Variants in LHFPL6 observed in about 807,000 individuals in gnomAD.
LHFPL6 encodes LHFPL tetraspan subfamily member 6.
Under a neutral mutation model 20.6 loss-of-function variants are expected in LHFPL6, and 9 were observed. The observed-to-expected ratio is 0.44, with a 90% CI of 0.26 to 0.76. LHFPL6 has a LOEUF of 0.76. Among genes scored for constraint, LHFPL6 ranks in the 30% least tolerant of loss-of-function variants. The pLI is 0.20. For synonymous variants in LHFPL6, 105 were observed against 98.7 expected (o/e 1.06, Z -0.38); for missense variants, 218 against 253.5 (o/e 0.86, Z 0.95).
chr13:39,429,982 G>A (rs1871745335), intron 2 of LHFPL6, among the ~76,000 whole-genome samples: 1 of 152,188 alleles, frequency 6.6e-6, no homozygotes, highest in East Asian at 1.9e-4. Context: ...CTCCTTCTCT[G>A]AGATCTTTGC....
At chr13:39,464,546 A>G (rs1593322982) in intron 2 of LHFPL6, among the ~76,000 whole-genome samples, 2 of 152,340 alleles carry the variant, frequency 1.3e-5, no homozygotes, top group Middle Eastern at 6.8e-3. Flanking sequence ...ATACCAGTCC[A>G]CTACAAAAAA....
At chr13:39,520,195 G>C (rs1012618980) in intron 2 of LHFPL6, among the ~76,000 whole-genome samples, 1 of 152,116 alleles carries the variant, frequency 6.6e-6, no homozygotes, top group Non-Finnish European at 1.5e-5. Flanking sequence ...TAGACATGAA[G>C]GGCCTGTATC....
chr13:39,562,479 T>TACACATATACACATATAC (rs1287087733), intron 2 of LHFPL6, among the ~76,000 whole-genome samples: 1 of 133,690 alleles, frequency 7.5e-6, no homozygotes, highest in South Asian at 2.4e-4. Context: ...TATACACATA[T>TACACATATACACATATAC]ACATATATAC....
chr13:39,477,320 A>G (rs1451791776), intron 2 of LHFPL6, among the ~76,000 whole-genome samples: 1 of 152,144 alleles, frequency 6.6e-6, no homozygotes, highest in African/African-American at 2.4e-5. Flanking sequence ...GGCTGATAGC[A>G]CTTTATGCAC....
intron 2 of LHFPL6, among the ~76,000 whole-genome samples, chr13:39,543,996 C>A (rs1009130524): frequency 6.6e-6 from 1 of 152,066 alleles, no homozygotes; most frequent in African/African-American, 2.4e-5. Context: ...TTTTATATTT[C>A]GACTAGTTGG....
chr13:39,427,974 C>G (rs1033411742), intron 2 of LHFPL6, among the ~76,000 whole-genome samples: 6 of 152,210 alleles, frequency 3.9e-5, no homozygotes, highest in Non-Finnish European at 7.3e-5. Flanking sequence ...AGTGCTGGCT[C>G]CCCGCTTCAC....
chr13:39,364,490 C>T (rs1869960182), intron 3 of LHFPL6, among the ~76,000 whole-genome samples: 1 of 152,140 alleles, frequency 6.6e-6, no homozygotes, highest in South Asian at 2.1e-4. Flanking sequence ...TTTAGCATTC[C>T]CCCAATGCAG....
intron 2 of LHFPL6, among the ~76,000 whole-genome samples, chr13:39,581,597 CTT>C (rs36025782): frequency 3.2e-4 from 45 of 141,098 alleles, no homozygotes; most frequent in Admixed American, 1.4e-3. Flanking sequence ...CTCTCTCTCT[CTT>C]TTTTTTTTTT....
At chr13:39,522,679 T>C (rs950431243) in intron 2 of LHFPL6, among the ~76,000 whole-genome samples, 5 of 152,238 alleles carry the variant, frequency 3.3e-5, no homozygotes, top group South Asian at 2.1e-4. Context: ...TTGGTCTGTA[T>C]ATATTGGAGA....
At chr13:39,408,872 T>C (rs1871183873) in intron 2 of LHFPL6, among the ~76,000 whole-genome samples, 4 of 152,320 alleles carry the variant, frequency 2.6e-5, no homozygotes, top group Middle Eastern at 6.8e-3. Flanking sequence ...TATTATTCTT[T>C]AATTGACTAT....
chr13:39,484,137 C>T (rs1470073376), intron 2 of LHFPL6, among the ~76,000 whole-genome samples: 3 of 152,146 alleles, frequency 2.0e-5, no homozygotes, highest in Non-Finnish European at 1.5e-5. Context: ...CCAAGTTTTT[C>T]CCCAATCCTA....
In LHFPL6 at chr13:39,375,886, T is replaced by G. The variant is rs147091778; in HGVS notation, c.484+2542A>C. On this transcript the variant is annotated intron_variant, in intron 3 of 3. Coordinates refer to ENST00000379589, the MANE Select transcript of LHFPL6 (RefSeq NM_005780.3). ...TCATTTTATCTGTGGATGATGCCAG[T>G]TTTTTTTTTCTCATTAACCAATCTA... 7.9e-3 allele frequency among the ~76,000 whole-genome samples: 1,143 copies of G among 145,124 alleles called. 16 individuals are homozygous for G. Among genetic ancestry groups the G allele is most frequent in the African/African-American group, 0.029 (1,081 of 37,414 alleles).
chr13:39,556,315 C>A (rs184356843), intron 2 of LHFPL6, among the ~76,000 whole-genome samples: 1 of 152,020 alleles, frequency 6.6e-6, no homozygotes, highest in African/African-American at 2.4e-5. Flanking sequence ...AAGAAGAAGA[C>A]AGGAAGATGA....
intron 2 of LHFPL6, among the ~76,000 whole-genome samples, chr13:39,402,358 G>C (rs1871014920): frequency 6.6e-6 from 1 of 152,066 alleles, no homozygotes; most frequent in Non-Finnish European, 1.5e-5. Context: ...CTGAGTGGCT[G>C]GGACTATAGG....
chr13:39,388,811 A>G (rs1211224162), intron 2 of LHFPL6, among the ~76,000 whole-genome samples: 1 of 152,182 alleles, frequency 6.6e-6, no homozygotes, highest in Non-Finnish European at 1.5e-5. Context: ...GTAGAATGCC[A>G]TCCCCAGCCA....
chr13:39,387,276 C>T (rs1373130441), intron 2 of LHFPL6, among the ~76,000 whole-genome samples: 2 of 152,038 alleles, frequency 1.3e-5, no homozygotes, highest in Non-Finnish European at 1.5e-5. Context: ...CAGCTGGGCA[C>T]GGTGGCTCAC....
rs200795995 is a variant in LHFPL6 at position 39,600,980 on chromosome 13, G to A, written c.237C>T (p.Ser79=). ...GRYASFQGIP[S]AEWRICTIVT... is the part of the protein sequence containing the mutation. ...CTATGGTGCAGATCCTCCATTCTGC[G>A]CTGGGGATGCCCTGGAAGGAGGCAT... The change falls in exon 2 of 4, where the codon AGC becomes AGT. Residue 79 remains serine, a synonymous_variant. Coordinates refer to ENST00000379589, the MANE Select transcript of LHFPL6 (RefSeq NM_005780.3). 3.3e-5 allele frequency: 54 copies of A among 1,613,652 alleles called. No individual in the cohort carries two copies. The East Asian group carries it at 8.0e-4, about 24-fold the overall frequency.
chr13:39,439,845 G>T (rs1349432261), intron 2 of LHFPL6, among the ~76,000 whole-genome samples: 1 of 152,128 alleles, frequency 6.6e-6, no homozygotes, highest in African/African-American at 2.4e-5. Flanking sequence ...TGAGGCCTCT[G>T]CAGAAGCAGA....
chr13:39,562,557 C>CAT (rs1871553150), intron 2 of LHFPL6, among the ~76,000 whole-genome samples: 8 of 82,386 alleles, frequency 9.7e-5, no homozygotes, highest in Non-Finnish European at 2.2e-4. Context: ...CATATATACA[C>CAT]ATACATATAC....
Sources: gnomAD v4.1 joint callset for allele counts (sites outside exome capture counted in the v4.1 genomes callset) on GRCh38, gnomAD v4.1.1 for gene constraint, MANE v1.5 for transcripts, NCBI Gene and HGNC (gene_info 2026-07-23, HGNC 2026-07-21) for gene names.